TMEM39A: variants seen among roughly 807,000 people sequenced by gnomAD.
TMEM39A encodes suppressor of SQST-1 aggregates in rpl-43 mutants.
In TMEM39A, 19 loss-of-function variants were observed where a neutral mutation model predicts 51.9. The observed-to-expected ratio is 0.37, with a 90% CI of 0.26 to 0.54. The LOEUF (loss-of-function observed/expected upper bound fraction) is 0.54, where lower values mean the gene tolerates loss of function less well. TMEM39A is among the 20% of genes least tolerant of loss of function. The probability of loss-of-function intolerance (pLI) is 0.88; values close to 1 mark genes in which losing one functional copy is unlikely to be tolerated. For missense variants in TMEM39A, 433 were observed against 590.5 expected (o/e 0.73, Z 2.76); for synonymous variants, 197 against 220.2 (o/e 0.89, Z 0.93).
At chr3:119,456,319 C>G (rs1469389570) in intron 3 of TMEM39A, among the ~76,000 whole-genome samples, 1 of 152,032 alleles carries the variant, frequency 6.6e-6, no homozygotes, top group East Asian at 1.9e-4. Context: ...AAATTTGGCA[C>G]TATATCATTG....
At chr3:119,452,569 G>T in intron 3 of TMEM39A, 39 bp from the exon 4 acceptor site, 1 of 1,532,270 alleles carries the variant, frequency 6.5e-7, no homozygotes, top group South Asian at 1.1e-5. Flanking sequence ...AAAGAAATAT[G>T]ATGTGTATTC....
rs182256489 is a variant in TMEM39A, at chr3:119,452,165, C to T, written c.420+282G>A. On this transcript the variant is annotated intron_variant, in intron 4 of 8. Coordinates refer to ENST00000319172, the MANE Select transcript of TMEM39A (RefSeq NM_018266.3). ...TATTAATAGTTACCTGAAATTCATCCTATTTTTACTGAAACTATTTAAATT... is the reference window on the plus strand; with the variant it reads ...TATTAATAGTTACCTGAAATTCATCTTATTTTTACTGAAACTATTTAAATT... Among the ~76,000 whole-genome samples, 24 of 152,284 alleles carry T rather than the reference C, an allele frequency of 1.6e-4. 1 individual carries two copies. The South Asian group carries it at 4.4e-3, about 28-fold the overall frequency.
At position 119,435,526 on chromosome 3, in the gene TMEM39A, T is replaced by C. The variant is rs2080957250; in HGVS notation, c.1113-644A>G. The C allele has an allele frequency of 3.0e-6, 3 of 984,954 alleles. No individual in the cohort carries two copies. In the African/African-American group the frequency reaches 5.2e-5, roughly 17 times the overall value. The allele number at this position is 984,954 out of a possible 1,614,324, so 61.0% of individuals were successfully genotyped here. Reference sequence around the variant, plus strand: ...TTACAGAAGCAGCAGCTTCATTCTTTCCAGCATAATGGAGTTTGGGTGGGG... The same window carrying C: ...TTACAGAAGCAGCAGCTTCATTCTTCCCAGCATAATGGAGTTTGGGTGGGG... On this transcript the variant is annotated intron_variant, in intron 7 of 8. Transcript: ENST00000319172.
At chr3:119,457,389 A>G (rs576962686) in intron 3 of TMEM39A, among the ~76,000 whole-genome samples, 25 of 152,348 alleles carry the variant, frequency 1.6e-4, no homozygotes, top group Admixed American at 1.6e-3. Flanking sequence ...ATTTGATTTA[A>G]GTTCACTATG....
chr3:119,436,564 G>C (rs1278008498), intron 7 of TMEM39A: 1 of 460,422 alleles, frequency 2.2e-6, no homozygotes, highest in Non-Finnish European at 4.0e-6. Context: ...ACACACACTA[G>C]AGTGACTGGG....
rs537219952 is a variant in TMEM39A, at chr3:119,452,220, G to A, written c.420+227C>T. ...AAATTGTACTGAAAAACTCAGTAGC[G>A]GAACACAAGCTCCGACCCTACGAAT... is the stretch of plus-strand genomic sequence containing the variant. On this transcript the variant is annotated intron_variant, in intron 4 of 8. Transcript: ENST00000319172. Among the ~76,000 whole-genome samples, 43 of 152,194 alleles carry A rather than the reference G, an allele frequency of 2.8e-4. No individual in the cohort carries two copies. In the South Asian group the frequency reaches 4.8e-3, roughly 17 times the overall value.
chr3:119,439,579 CAAAA>C (rs201923985), intron 5 of TMEM39A, among the ~76,000 whole-genome samples: 3 of 100,266 alleles, frequency 3.0e-5, no homozygotes, highest in African/African-American at 4.2e-5. Flanking sequence ...AACTCCTTCT[CAAAA>C]AAAAAAAAAA....
At chr3:119,436,586 T>C (rs554864840) in intron 7 of TMEM39A, 35 of 512,978 alleles carry the variant, frequency 6.8e-5, no homozygotes, top group Non-Finnish European at 8.7e-5. Context: ...AGCTGAAAGG[T>C]AGAACGCATT....
chr3:119,457,171 C>T (rs1248385647), intron 3 of TMEM39A, among the ~76,000 whole-genome samples: 2 of 151,508 alleles, frequency 1.3e-5, no homozygotes, highest in Non-Finnish European at 1.5e-5. Flanking sequence ...AGGGTTTCAC[C>T]GTGTTAGCCA....
At chr3:119,449,187 T>G (rs1423617072) in intron 4 of TMEM39A, among the ~76,000 whole-genome samples, 1 of 152,120 alleles carries the variant, frequency 6.6e-6, no homozygotes, top group Non-Finnish European at 1.5e-5. Context: ...GTACAGGATA[T>G]GAAACTGTAT....
chr3:119,451,379 T>C (rs1404035039), intron 4 of TMEM39A: 7 of 960,672 alleles, frequency 7.3e-6, no homozygotes, highest in East Asian at 1.2e-4. Flanking sequence ...ATAGTAACTA[T>C]TCATTTAAAA....
At position 119,452,434 on chromosome 3, in the gene TMEM39A, A is replaced by C; in HGVS notation, c.420+13T>G. 1 of 1,608,852 alleles carries C rather than the reference A, an allele frequency of 6.2e-7. No individual in the cohort carries two copies. Among genetic ancestry groups the C allele is most frequent in the Non-Finnish European group, 8.5e-7 (1 of 1,175,548 alleles). On this transcript the variant is annotated intron_variant, in intron 4 of 8. Coordinates refer to ENST00000319172, the MANE Select transcript of TMEM39A (RefSeq NM_018266.3). ...TAGCTACATGTGATAGAATATAGTC[A>C]ATGAACTGTTACCTCTGAGATGAGA...
intron 5 of TMEM39A, 75 bp downstream of exon 5, chr3:119,446,943 C>G: frequency 6.8e-7 from 1 of 1,472,796 alleles, no homozygotes; most frequent in Non-Finnish European, 9.2e-7. Context: ...ATTTTTCACT[C>G]TTAAAAGTAT....
At chr3:119,444,176 G>T (rs1374089777) in intron 5 of TMEM39A, among the ~76,000 whole-genome samples, 1 of 152,078 alleles carries the variant, frequency 6.6e-6, no homozygotes, top group African/African-American at 2.4e-5. Context: ...AATTGAAACA[G>T]AAAAGTTTGC....
intron 5 of TMEM39A, among the ~76,000 whole-genome samples, chr3:119,446,189 C>T (rs1473231436): frequency 6.6e-6 from 1 of 152,198 alleles, no homozygotes; most frequent in African/African-American, 2.4e-5. Context: ...GATTTTTCGT[C>T]TTTCCTTACT....
chr3:119,444,692 T>A (rs1014820202), intron 5 of TMEM39A, among the ~76,000 whole-genome samples: 1 of 152,200 alleles, frequency 6.6e-6, no homozygotes, highest in Non-Finnish European at 1.5e-5. Flanking sequence ...TGAGGGCTTG[T>A]TAAAACACAA....
intron 5 of TMEM39A, among the ~76,000 whole-genome samples, chr3:119,441,739 C>A (rs1399419035): frequency 6.6e-6 from 1 of 152,220 alleles, no homozygotes; most frequent in African/African-American, 2.4e-5. Flanking sequence ...CAGCCTTATA[C>A]TGTATTGGAA....
At chr3:119,444,837 A>G (rs188712890) in intron 5 of TMEM39A, among the ~76,000 whole-genome samples, 13 of 152,316 alleles carry the variant, frequency 8.5e-5, no homozygotes, top group African/African-American at 2.6e-4. Flanking sequence ...TACAGTAATG[A>G]TTAAGACAAA....
chr3:119,460,024 C>T (rs2081317893), intron 2 of TMEM39A, among the ~76,000 whole-genome samples: 1 of 152,032 alleles, frequency 6.6e-6, no homozygotes, highest in African/African-American at 2.4e-5. Context: ...GCTTGCTTCC[C>T]ACCAAGAAAG....
Sources: allele counts gnomAD v4.1 joint callset (sites outside exome capture counted in the v4.1 genomes callset), GRCh38; gene constraint gnomAD v4.1.1; transcripts MANE v1.5; gene names NCBI Gene and HGNC (gene_info 2026-07-23, HGNC 2026-07-21).